CADM2: variants seen among roughly 807,000 people sequenced by gnomAD.
CADM2 encodes the protein cell adhesion molecule 2.
Under a neutral mutation model 49.8 loss-of-function variants are expected in CADM2, and 12 were observed. That is an observed-to-expected ratio of 0.24 (90% CI 0.15 to 0.39). The LOEUF (loss-of-function observed/expected upper bound fraction) is 0.39. Ranked by LOEUF, CADM2 falls within the 10% of genes least tolerant of loss-of-function variation. The pLI, the probability that CADM2 is intolerant of heterozygous loss-of-function variation, is 1.00. For synonymous variants in CADM2, 214 were observed against 175.4 expected, an observed-to-expected ratio of 1.22 and a Z score of -1.74; for missense variants, 378 against 492.3, an observed-to-expected ratio of 0.77 and a Z score of 2.20.
intron 1 of CADM2, among the ~76,000 whole-genome samples, chr3:85,539,245 G>A (rs569200093): frequency 9.5e-6 from 1 of 105,422 alleles, no homozygotes; most frequent in South Asian, 2.8e-4. Flanking sequence ...ATAGATCAGT[G>A]TGAATAAGAT....
intron 8 of CADM2, chr3:86,013,736 T>G: frequency 6.3e-7 from 1 of 1,593,420 alleles, no homozygotes; most frequent in Non-Finnish European, 8.6e-7. Context: ...TTCTGCCTTA[T>G]GAAGCTGATG....
At chr3:85,823,402 A>G (rs890021386) in intron 3 of CADM2, among the ~76,000 whole-genome samples, 1 of 152,136 alleles carries the variant, frequency 6.6e-6, no homozygotes, top group African/African-American at 2.4e-5. Context: ...CTACATCAAA[A>G]TATTTCCCTG....
intron 8 of CADM2, among the ~76,000 whole-genome samples, chr3:85,963,375 C>T (rs897399672): frequency 6.6e-6 from 1 of 151,812 alleles, no homozygotes; most frequent in Non-Finnish European, 1.5e-5. Flanking sequence ...GGCCTTTCTG[C>T]CAGAGAGAAT....
Position 85,599,714 on chromosome 3 carries a change from A to G in CADM2, c.62-126808A>G, listed in dbSNP as rs540922960. 1.5e-4 allele frequency among the ~76,000 whole-genome samples: 23 copies of G among 152,094 alleles called. No individual in the cohort carries two copies. In the South Asian group the frequency reaches 4.6e-3, roughly 30 times the overall value. On this transcript the variant is annotated intron_variant, in intron 1 of 9. Transcript: ENST00000383699. ...TAAAAAATTATGTCAAATTTATAAA[A>G]ATTTCAATTGATTTTAGATGTATAG...
At chr3:85,927,805 T>C (rs1243153922) in intron 6 of CADM2, among the ~76,000 whole-genome samples, 1 of 151,732 alleles carries the variant, frequency 6.6e-6, no homozygotes, top group East Asian at 1.9e-4. Context: ...CTATTATACT[T>C]ATTCAATTAC....
intron 1 of CADM2, among the ~76,000 whole-genome samples, chr3:85,273,639 G>A (rs1325378740): frequency 6.6e-6 from 1 of 150,930 alleles, no homozygotes; most frequent in African/African-American, 2.4e-5. Flanking sequence ...TATATGTTAA[G>A]ATGGAGGAAG....
chr3:84,960,374 G>A (rs1480291622), intron 1 of CADM2: 3 of 150,958 alleles, frequency 2.0e-5, no homozygotes, highest in African/African-American at 7.3e-5. Context: ...GTGAATGAAT[G>A]AATAAATAAA....
At chr3:85,086,509 CTTTT>C (rs61269529) in intron 1 of CADM2, among the ~76,000 whole-genome samples, 1 of 102,324 alleles carries the variant, frequency 9.8e-6, no homozygotes, top group Non-Finnish European at 1.9e-5. Flanking sequence ...CAAGAATAAA[CTTTT>C]TTTTTTTTTT....
At chr3:85,307,562 C>T (rs1487333631) in intron 1 of CADM2, among the ~76,000 whole-genome samples, 1 of 151,646 alleles carries the variant, frequency 6.6e-6, no homozygotes, top group Non-Finnish European at 1.5e-5. Flanking sequence ...TCCAATGCTG[C>T]AATTTATTTC....
At chr3:85,563,776 A>C (rs2107193330) in intron 1 of CADM2, among the ~76,000 whole-genome samples, 1 of 152,298 alleles carries the variant, frequency 6.6e-6, no homozygotes, top group East Asian at 1.9e-4. Context: ...GCAAGTGGCC[A>C]AAATTCTCCA....
intron 5 of CADM2, among the ~76,000 whole-genome samples, chr3:85,895,224 A>G (rs1282482159): frequency 6.6e-6 from 1 of 152,178 alleles, no homozygotes; most frequent in Non-Finnish European, 1.5e-5. Context: ...CACTTCTTGC[A>G]TCAGTGTGAC....
chr3:85,962,110 G>A (rs1577792751), intron 8 of CADM2, among the ~76,000 whole-genome samples: 1 of 151,650 alleles, frequency 6.6e-6, no homozygotes, highest in East Asian at 2.0e-4. Context: ...GTAGAGATGG[G>A]CTTTCGCCAT....
intron 1 of CADM2, among the ~76,000 whole-genome samples, chr3:85,662,269 A>G (rs1435569760): frequency 9.9e-5 from 15 of 151,416 alleles, no homozygotes; most frequent in Middle Eastern, 3.4e-3. Context: ...CATATCAAGA[A>G]TGGGATGATG....
chr3:85,295,631 TC>T (rs2043939577), intron 1 of CADM2, among the ~76,000 whole-genome samples: 2 of 152,104 alleles, frequency 1.3e-5, no homozygotes, highest in African/African-American at 4.8e-5. Flanking sequence ...TGAGTTCATG[TC>T]CTTTGTAGGG....
intron 1 of CADM2, among the ~76,000 whole-genome samples, chr3:85,468,998 T>C (rs778299627): frequency 3.3e-5 from 5 of 152,128 alleles, no homozygotes; most frequent in Non-Finnish European, 7.4e-5. Context: ...GGAGGGAAAA[T>C]AATTACCTGC....
intron 1 of CADM2, among the ~76,000 whole-genome samples, chr3:85,617,413 G>A (rs538389847): frequency 2.0e-3 from 304 of 152,252 alleles, no homozygotes; most frequent in Non-Finnish European, 3.4e-3. Context: ...GTCTGGAGGG[G>A]TACTACAAGA....
Position 85,866,467 on chromosome 3 carries a change from G to A in CADM2, c.239-16824G>A, listed in dbSNP as rs7614938. On this transcript the variant is annotated intron_variant, in intron 3 of 9. Coordinates refer to ENST00000383699, the MANE Select transcript of CADM2 (RefSeq NM_001167675.2). ...CTTATTTAATTACATTCCTTCCATA[G>A]CCCTGATTTGTGAATTTTATGCCAT... Among the ~76,000 whole-genome samples, 427 of 152,000 alleles carry A rather than the reference G, an allele frequency of 2.8e-3. 2 individuals carry two copies. Among genetic ancestry groups the A allele is most frequent in the African/African-American group, 9.9e-3 (412 of 41,492 alleles).
At chr3:85,753,771 G>A (rs544068701) in intron 2 of CADM2, among the ~76,000 whole-genome samples, 14 of 152,222 alleles carry the variant, frequency 9.2e-5, no homozygotes, top group Admixed American at 7.2e-4. Flanking sequence ...TAGTGGCCGC[G>A]AACTCGTATG....
At chr3:85,558,027 T>C (rs937925597) in intron 1 of CADM2, among the ~76,000 whole-genome samples, 5 of 152,056 alleles carry the variant, frequency 3.3e-5, no homozygotes, top group South Asian at 4.1e-4. Context: ...AATTCTCCTT[T>C]TTACTTGTCT....
Sources: gnomAD v4.1 joint callset for allele counts (sites outside exome capture counted in the v4.1 genomes callset) on GRCh38, gnomAD v4.1.1 for gene constraint, MANE v1.5 for transcripts, NCBI Gene and HGNC (gene_info 2026-07-23, HGNC 2026-07-21) for gene names.